Variants in TNS3 observed in about 807,000 individuals in gnomAD.
TNS3 encodes tensin-3.
A neutral mutation model predicts 140.9 loss-of-function variants in TNS3; 45 were observed. The ratio of observed to expected loss-of-function variants is 0.32; its 90% CI spans 0.25 to 0.41. TNS3 has a LOEUF of 0.41. TNS3 is among the 10% of genes least tolerant of loss of function. The pLI is 1.00. For synonymous variants in TNS3, 815 were observed against 788.4 expected (o/e 1.03, Z -0.56); for missense variants, 1,716 against 1,906.7 (o/e 0.90, Z 1.86).
chr7:47,366,447 C>A (rs1036635276), intron 17 of TNS3, among the ~76,000 whole-genome samples: 1 of 152,204 alleles, frequency 6.6e-6, no homozygotes, highest in African/African-American at 2.4e-5. Flanking sequence ...TTTCTTCACA[C>A]CTTCCCCGGG....
At position 47,436,934 on chromosome 7, in the gene TNS3, C is replaced by T. The variant is rs186949361; in HGVS notation, c.201+329G>A. Among the ~76,000 whole-genome samples the T allele has an allele frequency of 3.6e-3, 552 of 152,118 alleles. 1 individual carries two copies. The highest frequency in any genetic ancestry group is 4.8e-3 in the Non-Finnish European group (326 of 67,992). Reference sequence around the variant, plus strand: ...CACGATGCCGAGAAACACACATGTACGCAAAACCAGGGAAATGTGAGTGAG... The same window carrying T: ...CACGATGCCGAGAAACACACATGTATGCAAAACCAGGGAAATGTGAGTGAG... On this transcript the variant is annotated intron_variant, in intron 7 of 30. Coordinates refer to ENST00000311160, the MANE Select transcript of TNS3 (RefSeq NM_022748.12).
At chr7:47,497,111 G>T (rs1303302186) in intron 3 of TNS3, among the ~76,000 whole-genome samples, 1 of 152,218 alleles carries the variant, frequency 6.6e-6, no homozygotes, top group Non-Finnish European at 1.5e-5. Context: ...TTGCTTAAAA[G>T]AGCAGACCCC....
At chr7:47,435,555 T>A in intron 7 of TNS3, 151 bp from the exon 8 acceptor site, 1 of 1,087,416 alleles carries the variant, frequency 9.2e-7, no homozygotes, top group Non-Finnish European at 1.3e-6. Flanking sequence ...AGCATGAGGA[T>A]CAACTTCCTT....
intron 20 of TNS3, among the ~76,000 whole-genome samples, chr7:47,313,348 A>G (rs1394403016): frequency 1.3e-5 from 2 of 152,180 alleles, no homozygotes; most frequent in Admixed American, 6.5e-5. Flanking sequence ...AAAGGCTTAG[A>G]GGTTAGAGGG....
At chr7:47,434,304 C>T (rs1455272564) in intron 8 of TNS3, among the ~76,000 whole-genome samples, 5 of 126,378 alleles carry the variant, frequency 4.0e-5, no homozygotes, top group African/African-American at 7.9e-5. Flanking sequence ...TAAAAGAGTC[C>T]GGAAGAAAAA....
At chr7:47,461,950 T>G (rs1796507829) in intron 4 of TNS3, among the ~76,000 whole-genome samples, 1 of 152,202 alleles carries the variant, frequency 6.6e-6, no homozygotes, top group Admixed American at 6.5e-5. Context: ...ATGGGAAATT[T>G]CAATGACTCA....
chr7:47,346,162 A>T (rs1367412645), intron 18 of TNS3, 25 bp downstream of exon 18: 4 of 1,609,954 alleles, frequency 2.5e-6, no homozygotes, highest in Non-Finnish European at 3.4e-6. Context: ...GGGCCCAGAA[A>T]CTGGGACCTG....
intron 1 of TNS3, among the ~76,000 whole-genome samples, chr7:47,572,608 G>A (rs1456401241): frequency 6.6e-6 from 1 of 152,226 alleles, no homozygotes; most frequent in Non-Finnish European, 1.5e-5. Context: ...GGGTGCAGTG[G>A]CTAAGGCCTG....
intron 20 of TNS3, among the ~76,000 whole-genome samples, chr7:47,340,037 A>G (rs1024492291): frequency 4.3e-5 from 6 of 140,082 alleles, no homozygotes; most frequent in African/African-American, 1.3e-4. Context: ...ATATGTATAC[A>G]TATGTGTATA....
rs374455756 is a variant in TNS3 at position 47,427,463 on chromosome 7, C to T, written c.389+849G>A. Among the ~76,000 whole-genome samples the T allele has an allele frequency of 4.6e-5, 7 of 152,300 alleles. No homozygotes were observed. In the East Asian group the frequency reaches 5.8e-4, roughly 13 times the overall value. On this transcript the variant is annotated intron_variant, in intron 9 of 30. Coordinates refer to ENST00000311160, the MANE Select transcript of TNS3 (RefSeq NM_022748.12). Reference sequence around the variant, plus strand: ...TTCTATTTCCTCAGAATGGAAAGTTCAGGCTTTACAAAGAGGCCATTGAGA... The same window carrying T: ...TTCTATTTCCTCAGAATGGAAAGTTTAGGCTTTACAAAGAGGCCATTGAGA...
At chr7:47,329,037 C>T (rs1788186720) in intron 20 of TNS3, among the ~76,000 whole-genome samples, 1 of 152,124 alleles carries the variant, frequency 6.6e-6, no homozygotes, top group Non-Finnish European at 1.5e-5. Context: ...TTTCAAGTGA[C>T]CCCACATTTT....
chr7:47,401,272 G>A (rs1793148540), intron 13 of TNS3, among the ~76,000 whole-genome samples: 1 of 152,188 alleles, frequency 6.6e-6, no homozygotes, highest in South Asian at 2.1e-4. Flanking sequence ...GAACACATCC[G>A]AAAAATAGAA....
Position 47,277,598 on chromosome 7 carries a change from T to C in TNS3, c.*478A>G. Reference sequence around the variant, plus strand: ...TCTCAGTTTCGTTAGCATCTCCATCTTGGGAAGACCGAGGTGAGGGAAACC... The same window carrying C: ...TCTCAGTTTCGTTAGCATCTCCATCCTGGGAAGACCGAGGTGAGGGAAACC... On this transcript the variant is annotated 3_prime_UTR_variant, in exon 31 of 31. Transcript: ENST00000311160. The C allele has an allele frequency of 4.4e-6, 1 of 229,444 alleles. No individual in the cohort carries two copies. The highest frequency in any genetic ancestry group is 8.7e-6 in the Non-Finnish European group (1 of 115,304). The allele number at this position is 229,444 out of a possible 1,614,324, so 14.2% of individuals were successfully genotyped here. A position where few individuals can be genotyped will look rare whatever the true frequency, so the allele number is the denominator to read the frequency against.
intron 17 of TNS3, among the ~76,000 whole-genome samples, chr7:47,358,874 G>A (rs770185080): frequency 9.8e-5 from 15 of 152,298 alleles, no homozygotes; most frequent in Non-Finnish European, 1.8e-4. Flanking sequence ...CACTCAGGCC[G>A]TTAGGGTCAC....
chr7:47,507,706 G>A lies in TNS3; in HGVS notation c.-152-762C>T, dbSNP rs1425663448. ...GCATAAACCTCCCCACGAGCACCACGGGCATGCTGCAGGCAGGCCTTGCAG... is the reference window on the plus strand; with the variant it reads ...GCATAAACCTCCCCACGAGCACCACAGGCATGCTGCAGGCAGGCCTTGCAG... On this transcript the variant is annotated intron_variant, in intron 2 of 30. Coordinates refer to ENST00000311160, the MANE Select transcript of TNS3 (RefSeq NM_022748.12). Among the ~76,000 whole-genome samples, 9 of 152,158 alleles carry A rather than the reference G, an allele frequency of 5.9e-5. 1 individual carries two copies. In the South Asian group the frequency reaches 6.2e-4, roughly 11 times the overall value.
At chr7:47,316,234 A>C (rs1001603698) in intron 20 of TNS3, among the ~76,000 whole-genome samples, 2 of 152,058 alleles carry the variant, frequency 1.3e-5, no homozygotes, top group African/African-American at 4.8e-5. Context: ...AGAGTTCTAA[A>C]AAAATGGAAC....
chr7:47,458,984 T>C (rs757871813), intron 4 of TNS3, among the ~76,000 whole-genome samples: 2 of 152,210 alleles, frequency 1.3e-5, no homozygotes, highest in Non-Finnish European at 2.9e-5. Context: ...GACCCCTAAA[T>C]AAGTACGGGC....
chr7:47,317,013 T>C lies in TNS3; in HGVS notation c.2651-12010A>G, dbSNP rs183838424. On this transcript the variant is annotated intron_variant, in intron 20 of 30. Transcript: ENST00000311160. ...ACAAAAATGATGAAAAACCCACAAA[T>C]GGATAAATAAATACTTTCTTGGTGT... 6.6e-5 allele frequency among the ~76,000 whole-genome samples: 10 copies of C among 152,240 alleles called. No homozygotes were observed. In the East Asian group the frequency reaches 1.9e-3, roughly 29 times the overall value.
chr7:47,530,838 A>AAAAAAAAAAAAAAAAAAAAAAAATAT, intron 1 of TNS3, among the ~76,000 whole-genome samples: 1 of 54,566 alleles, frequency 1.8e-5, no homozygotes, highest in Non-Finnish European at 3.3e-5. Context: ...AAAAAAAAAA[A>AAAAAAAAAAAAAAAAAAAAAAAATAT]ATATATATAT....
Sources: allele counts gnomAD v4.1 joint callset (sites outside exome capture counted in the v4.1 genomes callset), GRCh38; gene constraint gnomAD v4.1.1; transcripts MANE v1.5; gene names NCBI Gene and HGNC (gene_info 2026-07-23, HGNC 2026-07-21).